The following TASP1 variants were observed in gnomAD, a reference collection of about 807,000 sequenced individuals.
TASP1 encodes threonine aspartase 1.
TASP1 carries 16 observed loss-of-function variants against 56.6 expected under a neutral mutation model. The ratio of observed to expected loss-of-function variants is 0.28; its 90% CI spans 0.19 to 0.43. TASP1 has a LOEUF of 0.43. TASP1 is among the 20% of genes least tolerant of loss of function. The pLI, the probability that TASP1 is intolerant of heterozygous loss-of-function variation, is 1.00. For synonymous variants in TASP1, 179 were observed against 184.2 expected (o/e 0.97, Z 0.23); for missense variants, 393 against 511.6 (o/e 0.77, Z 2.24).
At chr20:13,307,703 G>A in the TASP1 span, among the ~76,000 whole-genome samples, 1 of 152,174 alleles carries the variant, frequency 6.6e-6, no homozygotes, top group Admixed American at 6.5e-5. Flanking sequence ...CGCTCTGTGA[G>A]GTCTGGCATA....
intron 10 of TASP1, among the ~76,000 whole-genome samples, chr20:13,502,789 A>G (rs577612161): frequency 1.3e-5 from 2 of 152,304 alleles, no homozygotes; most frequent in African/African-American, 4.8e-5. Flanking sequence ...CACTACCTAC[A>G]AAGGAAAATA....
At chr20:13,587,443 T>G in intron 4 of TASP1, 73 bp from the exon 5 acceptor site, 1 of 1,325,812 alleles carries the variant, frequency 7.5e-7, no homozygotes, top group East Asian at 2.5e-5. Context: ...TTCATGAAAT[T>G]TTCTAAAAGC....
the TASP1 span, among the ~76,000 whole-genome samples, chr20:13,188,638 C>G: frequency 2.0e-5 from 3 of 152,174 alleles, no homozygotes; most frequent in Non-Finnish European, 2.9e-5. Context: ...AATGTAATCC[C>G]CATCAAATAA....
chr20:13,550,147 TACACACAC>T (rs149572327), intron 8 of TASP1, among the ~76,000 whole-genome samples: 16 of 135,398 alleles, frequency 1.2e-4, no homozygotes, highest in African/African-American at 3.3e-4. Flanking sequence ...TATATACACA[TACACACAC>T]ACACACACAC....
At chr20:13,551,710 A>G (rs2045987720) in intron 8 of TASP1, among the ~76,000 whole-genome samples, 1 of 152,234 alleles carries the variant, frequency 6.6e-6, no homozygotes, top group South Asian at 2.1e-4. Context: ...TAAGCCAAGT[A>G]CAGCAATTGG....
the TASP1 span, among the ~76,000 whole-genome samples, chr20:13,320,861 C>T: frequency 1.3e-5 from 2 of 152,222 alleles, no homozygotes; most frequent in East Asian, 1.9e-4. Context: ...TTGACTAGAA[C>T]GTAGTCATAT....
chr20:13,594,916 C>A (rs2047671398), intron 4 of TASP1, among the ~76,000 whole-genome samples: 1 of 152,048 alleles, frequency 6.6e-6, no homozygotes, highest in African/African-American at 2.4e-5. Context: ...CTCCAAGACA[C>A]ATAATTGTCA....
At chr20:13,395,027 G>A (rs2041470266) in intron 13 of TASP1, among the ~76,000 whole-genome samples, 1 of 152,146 alleles carries the variant, frequency 6.6e-6, no homozygotes, top group Non-Finnish European at 1.5e-5. Flanking sequence ...AAAATTTCCT[G>A]TCATTCATAC....
chr20:13,377,282 AG>A, the TASP1 span, among the ~76,000 whole-genome samples: 3 of 152,228 alleles, frequency 2.0e-5, no homozygotes, highest in Non-Finnish European at 4.4e-5. Context: ...TTTAGCACGA[AG>A]GGCTGTTGAA....
chr20:13,263,829 TGTTA>T, the TASP1 span, among the ~76,000 whole-genome samples: 1 of 152,216 alleles, frequency 6.6e-6, no homozygotes, highest in African/African-American at 2.4e-5. Flanking sequence ...TTAACTATAT[TGTTA>T]GTTTGTTTTA....
At chr20:13,628,309 T>C (rs979165094) in intron 2 of TASP1, among the ~76,000 whole-genome samples, 4 of 152,246 alleles carry the variant, frequency 2.6e-5, no homozygotes, top group Admixed American at 2.6e-4. Context: ...TCTTTTACAC[T>C]TTCCAAACAC....
chr20:13,624,577 A>G (rs145866801), intron 3 of TASP1, among the ~76,000 whole-genome samples: 1 of 152,198 alleles, frequency 6.6e-6, no homozygotes, highest in African/African-American at 2.4e-5. Flanking sequence ...TTCTATTTGC[A>G]TAAAAAGTAA....
chr20:13,243,089 T>C, the TASP1 span, among the ~76,000 whole-genome samples: 1 of 152,196 alleles, frequency 6.6e-6, no homozygotes, highest in Non-Finnish European at 1.5e-5. Context: ...GAGTCCATGC[T>C]TTTAATCACT....
chr20:13,309,348 G>C, the TASP1 span, among the ~76,000 whole-genome samples: 1 of 150,752 alleles, frequency 6.6e-6, no homozygotes, highest in Non-Finnish European at 1.5e-5. Flanking sequence ...AAGAGATGAA[G>C]AGAGTATTTG....
chr20:13,495,980 T>C (rs914087652), intron 10 of TASP1, among the ~76,000 whole-genome samples: 3 of 152,122 alleles, frequency 2.0e-5, no homozygotes, highest in Non-Finnish European at 2.9e-5. Context: ...AGAAACCACA[T>C]GGCTATAATT....
chr20:13,537,044 T>C (rs185701255), intron 8 of TASP1, among the ~76,000 whole-genome samples: 1 of 152,210 alleles, frequency 6.6e-6, no homozygotes, highest in African/African-American at 2.4e-5. Context: ...ATACTACCCA[T>C]GCATTCTGTA....
At chr20:13,121,423 G>A in the TASP1 span, among the ~76,000 whole-genome samples, 1 of 152,160 alleles carries the variant, frequency 6.6e-6, no homozygotes, top group African/African-American at 2.4e-5. Flanking sequence ...GTAAGCAGGG[G>A]TCAGGGAGTG....
the TASP1 span, chr20:13,160,171 A>G: frequency 3.2e-6 from 5 of 1,573,598 alleles, no homozygotes; most frequent in Non-Finnish European, 4.3e-6. Context: ...CAGTACCAGT[A>G]CCTTGGATTC....
At chr20:13,395,034 A>G (rs2123601664) in intron 13 of TASP1, among the ~76,000 whole-genome samples, 1 of 152,334 alleles carries the variant, frequency 6.6e-6, no homozygotes, top group East Asian at 1.9e-4. Context: ...CCTGTCATTC[A>G]TACTCAATGT....
Sources: gnomAD v4.1 joint callset for allele counts (sites outside exome capture counted in the v4.1 genomes callset) on GRCh38, gnomAD v4.1.1 for gene constraint, MANE v1.5 for transcripts, NCBI Gene and HGNC (gene_info 2026-07-23, HGNC 2026-07-21) for gene names.